Variants in SOX6 observed in about 807,000 individuals in gnomAD.
The protein encoded by SOX6 is SRY-box transcription factor 6.
SOX6 carries 11 observed loss-of-function variants against 97.8 expected under a neutral mutation model. The ratio of observed to expected loss-of-function variants is 0.11; its 90% CI spans 0.07 to 0.19. The LOEUF (loss-of-function observed/expected upper bound fraction) is 0.19, where lower values mean the gene tolerates loss of function less well. Among genes scored for constraint, SOX6 ranks in the 10% least tolerant of loss-of-function variants. SOX6 has a pLI of 1.00. For missense variants in SOX6, 810 were observed against 1,039.5 expected, an observed-to-expected ratio of 0.78 and a Z score of 3.04; for synonymous variants, 360 against 371.4, an observed-to-expected ratio of 0.97 and a Z score of 0.35.
chr11:16,082,835 T>A (rs757641727), intron 9 of SOX6, among the ~76,000 whole-genome samples: 3 of 152,186 alleles, frequency 2.0e-5, no homozygotes, highest in Non-Finnish European at 2.9e-5. Context: ...CCAAATTCCC[T>A]TGTGCAGTGT....
chr11:16,686,665 C>T (rs1334399793), intron 3 of SOX6, among the ~76,000 whole-genome samples: 1 of 152,192 alleles, frequency 6.6e-6, no homozygotes, highest in African/African-American at 2.4e-5. Context: ...CCCTCATTTT[C>T]CTGTCTTCTG....
intron 3 of SOX6, among the ~76,000 whole-genome samples, chr11:16,612,673 T>A (rs1284453352): frequency 1.3e-5 from 2 of 152,082 alleles, no homozygotes; most frequent in Non-Finnish European, 2.9e-5. Flanking sequence ...AAAGGCAGCG[T>A]GGAGCGGCAC....
At chr11:16,367,340 C>T (rs1236309752) in intron 1 of SOX6, among the ~76,000 whole-genome samples, 2 of 152,114 alleles carry the variant, frequency 1.3e-5, no homozygotes, top group Non-Finnish European at 2.9e-5. Flanking sequence ...GAGGAAAGAA[C>T]AATGTTCCAA....
intron 1 of SOX6, among the ~76,000 whole-genome samples, chr11:16,363,236 A>G (rs1857254760): frequency 6.6e-6 from 1 of 152,196 alleles, no homozygotes; most frequent in African/African-American, 2.4e-5. Context: ...TTCAGCATCT[A>G]GCATAATGCT....
intron 1 of SOX6, among the ~76,000 whole-genome samples, chr11:16,377,256 C>T (rs1857667976): frequency 1.3e-5 from 2 of 151,976 alleles, no homozygotes; most frequent in African/African-American, 4.8e-5. Flanking sequence ...AGGGTAAAGC[C>T]GTTTACCTGT....
At chr11:16,170,863 C>T (rs936708233) in intron 6 of SOX6, among the ~76,000 whole-genome samples, 2 of 151,968 alleles carry the variant, frequency 1.3e-5, no homozygotes, top group African/African-American at 4.8e-5. Flanking sequence ...CAATCCTATA[C>T]TGTCCCCTGC....
intron 4 of SOX6, among the ~76,000 whole-genome samples, chr11:16,191,360 C>T (rs1851626074): frequency 6.6e-6 from 1 of 152,064 alleles, no homozygotes; most frequent in African/African-American, 2.4e-5. Context: ...ACACAGAAGG[C>T]TGAGGCAGGA....
chr11:16,631,365 A>G (rs1210401266), intron 3 of SOX6, among the ~76,000 whole-genome samples: 1 of 152,242 alleles, frequency 6.6e-6, no homozygotes, highest in Admixed American at 6.5e-5. Context: ...ACAGGACATG[A>G]AATTCTTGGT....
intron 4 of SOX6, among the ~76,000 whole-genome samples, chr11:16,225,325 T>C (rs1251263647): frequency 6.6e-6 from 1 of 152,000 alleles, no homozygotes; most frequent in African/African-American, 2.4e-5. Context: ...TTCCACCAGA[T>C]ATAACAATTG....
intron 12 of SOX6, among the ~76,000 whole-genome samples, chr11:16,027,904 G>T (rs2133880732): frequency 6.6e-6 from 1 of 152,334 alleles, no homozygotes; most frequent in East Asian, 1.9e-4. Context: ...CAGTGTATCT[G>T]CTATATCCGT....
intron 1 of SOX6, among the ~76,000 whole-genome samples, chr11:16,345,113 GT>G (rs1344152422): frequency 3.3e-5 from 5 of 151,638 alleles, no homozygotes; most frequent in South Asian, 2.1e-4. Flanking sequence ...TTTGTTTGGT[GT>G]TTTTTTTAAC....
At chr11:16,698,565 C>T (rs1340989480) in intron 3 of SOX6, among the ~76,000 whole-genome samples, 1 of 152,212 alleles carries the variant, frequency 6.6e-6, no homozygotes, top group Admixed American at 6.5e-5. Context: ...CCTTTTCATT[C>T]ACAACTTGGC....
chr11:16,275,397 A>C (rs1041027950), intron 3 of SOX6, among the ~76,000 whole-genome samples: 4 of 152,038 alleles, frequency 2.6e-5, no homozygotes, highest in Admixed American at 1.3e-4. Flanking sequence ...CGGAGCTTGC[A>C]GTGAGCCGAG....
chr11:16,360,667 C>T (rs1056713541), upstream of SOX6, among the ~76,000 whole-genome samples: 1 of 152,072 alleles, frequency 6.6e-6, no homozygotes, highest in African/African-American at 2.4e-5. Context: ...TATAGTAGGG[C>T]TTAATAAATA....
At chr11:16,463,992 G>C (rs563246491) in intron 1 of SOX6, among the ~76,000 whole-genome samples, 1 of 152,266 alleles carries the variant, frequency 6.6e-6, no homozygotes, top group Non-Finnish European at 1.5e-5. Flanking sequence ...AGAAATGCCA[G>C]AGAAACACAA....
intron 4 of SOX6, among the ~76,000 whole-genome samples, chr11:16,587,684 T>C (rs1848109590): frequency 6.6e-6 from 1 of 152,228 alleles, no homozygotes; most frequent in African/African-American, 2.4e-5. Flanking sequence ...GAGAACTAAG[T>C]TGTTAATGAA....
rs766497273 is a variant in SOX6 at position 15,972,903 on chromosome 11, T to C, written c.2393A>G (p.Glu798Gly). The C allele has an allele frequency of 6.2e-7, 1 of 1,614,236 alleles. No homozygotes were observed. The highest frequency in any genetic ancestry group is 8.5e-7 in the Non-Finnish European group (1 of 1,180,036). The change falls in exon 16 of 16, where the codon GAG (glutamate) becomes GGG (glycine). Residue 798 changes from glutamate to glycine, a missense_variant. Glu to Gly is a moderately conservative substitution (Grantham distance 98). Transcript: ENST00000683767. ...GTCATCATACATTTCCATTTCATCC[T>C]CTCCATTGATCATTTCATTTCCAGC... Reference protein sequence around the residue: ...SLAGNEMINGEDEMEMYDDYE... With the variant: ...SLAGNEMINGGDEMEMYDDYE...
chr11:16,404,751 G>C (rs576569895), intron 1 of SOX6, among the ~76,000 whole-genome samples: 44 of 151,974 alleles, frequency 2.9e-4, no homozygotes, highest in African/African-American at 9.6e-4. Flanking sequence ...GTGATAAATG[G>C]GATGATTAGA....
chr11:16,484,403 T>C (rs1860396357), intron 4 of SOX6: 2 of 790,676 alleles, frequency 2.5e-6, no homozygotes, highest in South Asian at 1.3e-5. Context: ...GCAGGCTCCT[T>C]TAACCAGGCC....
Sources: gnomAD v4.1 joint callset for allele counts (sites outside exome capture counted in the v4.1 genomes callset) on GRCh38, gnomAD v4.1.1 for gene constraint, MANE v1.5 for transcripts, NCBI Gene and HGNC (gene_info 2026-07-23, HGNC 2026-07-21) for gene names.